Variants in ZBTB41 observed in about 807,000 individuals in gnomAD.
ZBTB41 encodes the protein zinc finger and BTB domain containing 41.
In ZBTB41, 42 loss-of-function variants were observed where a neutral mutation model predicts 87.6. The observed-to-expected ratio is 0.48, with a 90% CI of 0.37 to 0.62. The LOEUF (loss-of-function observed/expected upper bound fraction) is 0.62, where lower values mean the gene tolerates loss of function less well. Among genes scored for constraint, ZBTB41 ranks in the 20% least tolerant of loss-of-function variants. The pLI is 0.00. For missense variants in ZBTB41, 799 were observed against 1,078.9 expected (o/e 0.74, Z 3.63); for synonymous variants, 364 against 364.0 (o/e 1.00, Z 0.00).
chr1:197,154,620 G>A lies in ZBTB41; in HGVS notation c.*4739C>T, dbSNP rs1326731554. On this transcript the variant is annotated 3_prime_UTR_variant, in exon 11 of 11. Transcript: ENST00000367405. Reference sequence around the variant, plus strand: ...GCAGAAAGCATGCTAAGATTATAGGGAAAAGGTATCTTAAGTAAAAACAAT... The same window carrying A: ...GCAGAAAGCATGCTAAGATTATAGGAAAAAGGTATCTTAAGTAAAAACAAT... 6.6e-6 allele frequency: 1 copy of A among 151,938 alleles called. No homozygotes were observed. The allele number at this position is 151,938 out of a possible 1,614,324, so 9.4% of individuals were successfully genotyped here.
chr1:197,178,969 A>C (rs561272650), intron 6 of ZBTB41, among the ~76,000 whole-genome samples: 1 of 152,238 alleles, frequency 6.6e-6, no homozygotes, highest in South Asian at 2.1e-4. Context: ...CCAGGTGCTG[A>C]TGTGAAAAAG....
In ZBTB41 at chr1:197,199,367, T is replaced by A; in HGVS notation, c.1107A>T (p.Thr369=). Reference sequence around the variant, plus strand: ...TTCTTTTCTTACCTATTCGGTCAAATGTTTTATCACATTTAGGACACTGCA... The same window carrying A: ...TTCTTTTCTTACCTATTCGGTCAAAAGTTTTATCACATTTAGGACACTGCA... ...KILQCPKCDK[T]FDRIGKYESH... Residue 369 remains threonine, a synonymous_variant, in exon 2 of 11, where the codon ACA becomes ACT. Transcript: ENST00000367405. The A allele has an allele frequency of 6.6e-7, 1 of 1,512,816 alleles. No individual in the cohort carries two copies. The highest frequency in any genetic ancestry group is 8.8e-7 in the Non-Finnish European group (1 of 1,137,906). The allele number at this position is 1,512,816 out of a possible 1,614,324, so 93.7% of individuals were successfully genotyped here.
In ZBTB41 at chr1:197,190,845, A is replaced by G. The variant is rs1660007777; in HGVS notation, c.1329-14T>C. 1 of 1,517,332 alleles carries G rather than the reference A, an allele frequency of 6.6e-7. No homozygotes were observed. The highest frequency in any genetic ancestry group is 1.2e-5 in the South Asian group (1 of 84,056). 94.0% of individuals were successfully genotyped at this position (1,517,332 alleles called of 1,614,324 possible). A position where few individuals can be genotyped will look rare whatever the true frequency, so the allele number is the denominator to read the frequency against. On this transcript the variant is annotated splice_polypyrimidine_tract_variant and intron_variant, in intron 3 of 10. Transcript: ENST00000367405. Reference sequence around the variant, plus strand: ...TCAGGATGAAATCTATCAGAGGAAAAGAAAAAGATTATTAGGAAAAGGTTA... The same window carrying G: ...TCAGGATGAAATCTATCAGAGGAAAGGAAAAAGATTATTAGGAAAAGGTTA...
intron 2 of ZBTB41, among the ~76,000 whole-genome samples, chr1:197,194,078 G>A (rs1333148723): frequency 6.6e-6 from 1 of 151,924 alleles, no homozygotes; most frequent in Non-Finnish European, 1.5e-5. Context: ...GAGTGCACTG[G>A]CGCGATCTCG....
chr1:197,199,739 C>T lies in ZBTB41; in HGVS notation c.735G>A (p.Glu245=). 6.2e-7 allele frequency: 1 copy of T among 1,613,546 alleles called. No homozygotes were observed. Among genetic ancestry groups the T allele is most frequent in the Non-Finnish European group, 8.5e-7 (1 of 1,179,922 alleles). Residue 245 remains glutamate, a synonymous_variant, in exon 2 of 11, where the codon GAG becomes GAA. Coordinates refer to ENST00000367405, the MANE Select transcript of ZBTB41 (RefSeq NM_194314.3). ...LGKKHGLKML[E]RSFSARRSKR... is the part of the protein sequence containing the mutation. ...TTGATCTTCTTGCGGAGAAACTTCT[C>T]TCCAGCATTTTTAACCCATGTTTTT...
intron 4 of ZBTB41, among the ~76,000 whole-genome samples, chr1:197,189,322 T>TC (rs1186624233): frequency 6.6e-6 from 1 of 151,980 alleles, no homozygotes; most frequent in Non-Finnish European, 1.5e-5. Flanking sequence ...GGTCAGAACT[T>TC]CAAGATCGGC....
At chr1:197,190,617 T>C (rs1448179441) in intron 4 of ZBTB41, 145 bp downstream of exon 4, 29 of 537,494 alleles carry the variant, frequency 5.4e-5, no homozygotes, top group South Asian at 1.7e-4. Context: ...ATTTACAAAA[T>C]ATATTAGAAT....
Position 197,159,379 on chromosome 1 carries a change from T to C in ZBTB41, c.2710A>G (p.Thr904Ala), listed in dbSNP as rs759333550. Residue 904 changes from threonine (T) to alanine (A), a missense_variant, in exon 11 of 11, where the codon ACG becomes GCG. Thr to Ala is a moderately conservative substitution (Grantham distance 58). This residue lies in a region of ZBTB41 where 171 missense variants were observed against 191.9 expected (regional missense o/e 0.89). Coordinates refer to ENST00000367405, the MANE Select transcript of ZBTB41 (RefSeq NM_194314.3). ...DSTTGVQNIS[T>A]NEHHS ...TTTACTCATGAATGATGCTCATTCG[T>C]AGAAATATTTTGAACACCAGTAGTG... 3 of 1,613,642 alleles carry C rather than the reference T, an allele frequency of 1.9e-6. No individual in the cohort carries two copies. Among genetic ancestry groups the C allele is most frequent in the Non-Finnish European group, 2.5e-6 (3 of 1,179,636 alleles).
chr1:197,162,322 A>G (rs903888925), intron 10 of ZBTB41, among the ~76,000 whole-genome samples: 4 of 152,178 alleles, frequency 2.6e-5, no homozygotes, highest in Admixed American at 2.6e-4. Flanking sequence ...CTATGGTAAA[A>G]TTATGTATTT....
intron 7 of ZBTB41, 63 bp from the exon 8 acceptor site, chr1:197,176,733 A>T: frequency 8.9e-7 from 1 of 1,125,596 alleles, no homozygotes; most frequent in East Asian, 2.4e-5. Flanking sequence ...AAGCTCAATA[A>T]TGAATAAATG....
At chr1:197,201,094 A>T (rs1652777603) in intron 1 of ZBTB41, among the ~76,000 whole-genome samples, 129 bp downstream of exon 1, 1 of 152,208 alleles carries the variant, frequency 6.6e-6, no homozygotes. Flanking sequence ...GGGGTCAACC[A>T]GAGGGACGAC....
At position 197,181,048 on chromosome 1, in the gene ZBTB41, C is replaced by T. The variant is rs1659733429; in HGVS notation, c.1616G>A (p.Cys539Tyr). ...CCATTTTCTCTTTCCACCATGAGTA[C>T]ATTCTATATGACGTTTCAAATTTCC... Reference protein sequence around the residue: ...DTGNLKRHIECTHGGKRKWTC... With the variant: ...DTGNLKRHIEYTHGGKRKWTC... The change falls in exon 6 of 11, where the codon TGT becomes TAT. Residue 539 changes from cysteine (C) to tyrosine (Y), a missense_variant. Cys to Tyr is a radical substitution (Grantham distance 194). Transcript: ENST00000367405. The T allele has an allele frequency of 6.2e-7, 1 of 1,606,376 alleles. No homozygotes were observed.
At chr1:197,182,116 C>T (rs1415217) in intron 5 of ZBTB41, among the ~76,000 whole-genome samples, 117,206 of 151,842 alleles carry the variant, frequency 0.77, 48,723 homozygotes, top group East Asian at 0.98. Context: ...AAAGTCAGTA[C>T]TTACATAGCT....
chr1:197,188,703 A>T (rs1226290033), intron 4 of ZBTB41, among the ~76,000 whole-genome samples: 1 of 152,196 alleles, frequency 6.6e-6, no homozygotes, highest in Non-Finnish European at 1.5e-5. Context: ...TACTATCTTA[A>T]TTCTAGTCAG....
chr1:197,183,992 C>T (rs971310544), intron 5 of ZBTB41, among the ~76,000 whole-genome samples: 23 of 152,166 alleles, frequency 1.5e-4, no homozygotes, highest in African/African-American at 5.1e-4. Context: ...AGACAAGTTA[C>T]TTTAGTTTGT....
At chr1:197,177,552 TTTTC>T (rs1401531997) in intron 7 of ZBTB41, among the ~76,000 whole-genome samples, 1 of 152,176 alleles carries the variant, frequency 6.6e-6, no homozygotes, top group Non-Finnish European at 1.5e-5. Flanking sequence ...AAGAATTTTC[TTTTC>T]TAAGAACTCA....
At chr1:197,171,611 G>T (rs749318043) in intron 10 of ZBTB41, among the ~76,000 whole-genome samples, 2 of 151,732 alleles carry the variant, frequency 1.3e-5, no homozygotes, top group African/African-American at 4.8e-5. Context: ...CATTCCCAAC[G>T]GAGAAAAAAG....
intron 8 of ZBTB41, among the ~76,000 whole-genome samples, chr1:197,175,503 C>T (rs1659584474): frequency 7.4e-6 from 1 of 134,980 alleles, no homozygotes; most frequent in African/African-American, 2.6e-5. Flanking sequence ...ATGAGGGTGT[C>T]TTACTGTTTA....
intron 5 of ZBTB41, among the ~76,000 whole-genome samples, chr1:197,183,606 G>T (rs1659810184): frequency 6.6e-6 from 1 of 152,184 alleles, no homozygotes; most frequent in African/African-American, 2.4e-5. Context: ...TTACTAGTTA[G>T]ATTACCTATT....
Sources: gnomAD v4.1 joint callset for allele counts (sites outside exome capture counted in the v4.1 genomes callset) on GRCh38, gnomAD v4.1.1 for gene constraint, gnomAD v4.1.1 regional missense constraint, MANE v1.5 for transcripts, NCBI Gene and HGNC (gene_info 2026-07-23, HGNC 2026-07-21) for gene names.